Variants in MAGI2 observed in about 807,000 individuals in gnomAD.
The protein encoded by MAGI2 is membrane associated guanylate kinase, WW and PDZ domain containing 2.
A neutral mutation model predicts 133.3 loss-of-function variants in MAGI2; 35 were observed. The observed-to-expected ratio is 0.26, with a 90% CI of 0.20 to 0.35. The LOEUF (loss-of-function observed/expected upper bound fraction) is 0.35, where lower values mean the gene tolerates loss of function less well. Among genes scored for constraint, MAGI2 ranks in the 10% least tolerant of loss-of-function variants. The pLI is 1.00. For synonymous variants in MAGI2, 729 were observed against 710.6 expected, an observed-to-expected ratio of 1.03 and a Z score of -0.41; for missense variants, 1,636 against 1,863.4, an observed-to-expected ratio of 0.88 and a Z score of 2.25.
At position 79,375,530 on chromosome 7, in the gene MAGI2, A is replaced by G. The variant is rs848921; in HGVS notation, c.301+77490T>C. Among the ~76,000 whole-genome samples, 308 of 152,128 alleles carry G rather than the reference A, an allele frequency of 2.0e-3. 3 individuals are homozygous for G. Among genetic ancestry groups the G allele is most frequent in the African/African-American group, 7.2e-3 (299 of 41,540 alleles). ...TAGTTTATCCTTCATGTGCTTTAAT[A>G]ACAAGGCCCAAATATATATAACATT... On this transcript the variant is annotated intron_variant, in intron 1 of 21. Coordinates refer to ENST00000354212, the MANE Select transcript of MAGI2 (RefSeq NM_012301.4).
chr7:79,399,082 T>G (rs527747960), intron 1 of MAGI2, among the ~76,000 whole-genome samples: 3 of 138,830 alleles, frequency 2.2e-5, no homozygotes, highest in African/African-American at 9.1e-5. Flanking sequence ...ATTATTTCTT[T>G]TTTTTTTCTT....
intron 10 of MAGI2, among the ~76,000 whole-genome samples, chr7:78,247,222 A>T (rs1791891396): frequency 6.6e-6 from 1 of 152,130 alleles, no homozygotes; most frequent in Non-Finnish European, 1.5e-5. Flanking sequence ...CAAGAACCCC[A>T]GCAATCTATG....
intron 2 of MAGI2, among the ~76,000 whole-genome samples, chr7:79,002,680 T>A (rs766759969): frequency 9.9e-5 from 15 of 150,866 alleles, no homozygotes. Context: ...CAGGCTTCAA[T>A]GAGAAAAAAA....
intron 3 of MAGI2, among the ~76,000 whole-genome samples, chr7:78,555,133 G>GAAATAAAT (rs199696275): frequency 0.05 from 6,466 of 130,018 alleles, 239 homozygotes; most frequent in East Asian, 0.17. Flanking sequence ...GGCACTGTCA[G>GAAATAAAT]AAATAAATAA....
Position 78,799,876 on chromosome 7 carries a change from C to T in MAGI2, c.419-172637G>A, listed in dbSNP as rs571548087. 3.0e-4 allele frequency among the ~76,000 whole-genome samples: 46 copies of T among 152,186 alleles called. No homozygotes were observed. In the South Asian group the frequency reaches 9.3e-3, roughly 31 times the overall value. The stretch of plus-strand genomic sequence containing the variant: ...CCATAGAACATTTTTAAAGTATTAC[C>T]ATCTTTGTGGAATATGTGCTACAAA... On this transcript the variant is annotated intron_variant, in intron 2 of 21. Coordinates refer to ENST00000354212, the MANE Select transcript of MAGI2 (RefSeq NM_012301.4).
chr7:78,693,764 A>G (rs972438207), intron 2 of MAGI2, among the ~76,000 whole-genome samples: 1 of 152,126 alleles, frequency 6.6e-6, no homozygotes, highest in South Asian at 2.1e-4. Context: ...TCTTTTTTCC[A>G]CCTTATGTTA....
intron 5 of MAGI2, among the ~76,000 whole-genome samples, chr7:78,492,301 T>C (rs1418877294): frequency 6.6e-6 from 1 of 152,098 alleles, no homozygotes; most frequent in Non-Finnish European, 1.5e-5. Context: ...TTTTGACAGA[T>C]TGAGTCTCTT....
Position 79,390,172 on chromosome 7 carries a change from G to A in MAGI2, c.301+62848C>T, listed in dbSNP as rs1190034252. 5.3e-5 allele frequency among the ~76,000 whole-genome samples: 8 copies of A among 152,220 alleles called. No individual in the cohort carries two copies. In the East Asian group the frequency reaches 7.7e-4, roughly 15 times the overall value. Reference sequence around the variant, plus strand: ...GTCACCTTGGCCTGATGAAATTTCCGTTTATAAGTCTGGGTTTGCATGGCT... The same window carrying A: ...GTCACCTTGGCCTGATGAAATTTCCATTTATAAGTCTGGGTTTGCATGGCT... On this transcript the variant is annotated intron_variant, in intron 1 of 21. Coordinates refer to ENST00000354212, the MANE Select transcript of MAGI2 (RefSeq NM_012301.4).
At chr7:78,438,535 C>T (rs1187624716) in intron 6 of MAGI2, among the ~76,000 whole-genome samples, 1 of 152,156 alleles carries the variant, frequency 6.6e-6, no homozygotes, top group African/African-American at 2.4e-5. Context: ...GTGTGTGCTG[C>T]GGTTCCTTTA....
intron 10 of MAGI2, among the ~76,000 whole-genome samples, chr7:78,244,994 A>G (rs903177379): frequency 2.0e-5 from 3 of 152,206 alleles, no homozygotes; most frequent in African/African-American, 7.2e-5. Flanking sequence ...AAGTCAGGAA[A>G]TGGATAGAAA....
chr7:78,427,844 T>C (rs1348749476), intron 6 of MAGI2, among the ~76,000 whole-genome samples: 1 of 152,130 alleles, frequency 6.6e-6, no homozygotes, highest in African/African-American at 2.4e-5. Flanking sequence ...GATTAATGAG[T>C]ACTGTATTTT....
intron 1 of MAGI2, among the ~76,000 whole-genome samples, chr7:79,301,803 G>T (rs1198502408): frequency 6.6e-6 from 1 of 152,158 alleles, no homozygotes; most frequent in African/African-American, 2.4e-5. Flanking sequence ...GCTGGAATAG[G>T]GCCTGGTGGA....
chr7:78,834,828 T>C (rs1791476058), intron 2 of MAGI2, among the ~76,000 whole-genome samples: 1 of 152,132 alleles, frequency 6.6e-6, no homozygotes, highest in Non-Finnish European at 1.5e-5. Flanking sequence ...CAATAATGAA[T>C]GAGTACTCAC....
At chr7:78,643,103 CA>C (rs1810483064) in intron 2 of MAGI2, among the ~76,000 whole-genome samples, 1 of 152,078 alleles carries the variant, frequency 6.6e-6, no homozygotes, top group African/African-American at 2.4e-5. Context: ...ATACATGTAC[CA>C]AAATAACACA....
At chr7:79,163,670 C>A (rs377259303) in intron 1 of MAGI2, among the ~76,000 whole-genome samples, 2 of 152,024 alleles carry the variant, frequency 1.3e-5, no homozygotes, top group Non-Finnish European at 2.9e-5. Context: ...AAGGTAAACA[C>A]ACTGTGAGTC....
chr7:78,716,012 G>A (rs946289185), intron 2 of MAGI2, among the ~76,000 whole-genome samples: 1 of 152,158 alleles, frequency 6.6e-6, no homozygotes, highest in Non-Finnish European at 1.5e-5. Context: ...CCCTTCACGT[G>A]GTAAGTCAGA....
intron 20 of MAGI2, among the ~76,000 whole-genome samples, chr7:78,094,632 T>C (rs1375501892): frequency 6.6e-6 from 1 of 152,204 alleles, no homozygotes; most frequent in Non-Finnish European, 1.5e-5. Context: ...ATCACCTTTA[T>C]TTTCCAAGGA....
chr7:78,755,093 T>C (rs191017573), intron 2 of MAGI2, among the ~76,000 whole-genome samples: 43 of 152,350 alleles, frequency 2.8e-4, no homozygotes, highest in Admixed American at 7.8e-4. Context: ...GTTCCACATA[T>C]TATTACTTAA....
At chr7:78,048,942 C>A (rs913562552) in intron 21 of MAGI2, among the ~76,000 whole-genome samples, 1 of 63,436 alleles carries the variant, frequency 1.6e-5, no homozygotes, top group African/African-American at 6.0e-5. Flanking sequence ...CCCGTCTCTA[C>A]TAAAATACAA....
Sources: allele counts gnomAD v4.1 joint callset (sites outside exome capture counted in the v4.1 genomes callset), GRCh38; gene constraint gnomAD v4.1.1; transcripts MANE v1.5; gene names NCBI Gene and HGNC (gene_info 2026-07-23, HGNC 2026-07-21).